Variants in STK10 observed in about 807,000 individuals in gnomAD.
STK10 encodes serine/threonine-protein kinase 10.
A neutral mutation model predicts 113.8 loss-of-function variants in STK10; 78 were observed. The observed-to-expected ratio is 0.69, with a 90% CI of 0.57 to 0.83. The LOEUF is 0.83. STK10 is among the 40% of genes least tolerant of loss of function. The pLI is 0.00. For missense variants in STK10, 1,109 were observed against 1,280.1 expected (o/e 0.87, Z 2.04); for synonymous variants, 465 against 494.7 (o/e 0.94, Z 0.80).
chr5:172,145,933 G>A (rs954174750), intron 2 of STK10, among the ~76,000 whole-genome samples: 36 of 152,166 alleles, frequency 2.4e-4, no homozygotes, highest in Admixed American at 2.3e-3. Flanking sequence ...CTGCACCAGC[G>A]CCTGCCCCGT....
chr5:172,096,221 C>T (rs139208909), intron 8 of STK10, among the ~76,000 whole-genome samples: 6 of 152,214 alleles, frequency 3.9e-5, no homozygotes, highest in Non-Finnish European at 7.3e-5. Context: ...CTCACAGGAT[C>T]GGGATCTGGC....
intron 2 of STK10, among the ~76,000 whole-genome samples, chr5:172,131,039 T>TTTTG (rs1554121251): frequency 6.8e-6 from 1 of 147,458 alleles, no homozygotes; most frequent in African/African-American, 2.5e-5. Context: ...GCTGTTTTTT[T>TTTTG]TTTTTTTTTT....
chr5:172,137,725 A>AT (rs1769893097), intron 2 of STK10, among the ~76,000 whole-genome samples: 1 of 64,952 alleles, frequency 1.5e-5, no homozygotes, highest in African/African-American at 1.0e-4. Context: ...CTAAAAATAC[A>AT]AAAAAAAAAA....
intron 12 of STK10, among the ~76,000 whole-genome samples, chr5:172,077,196 C>T (rs774307456): frequency 2.0e-5 from 3 of 152,210 alleles, no homozygotes; most frequent in Non-Finnish European, 2.9e-5. Flanking sequence ...TTACTGAACT[C>T]GTTCGAGTTC....
At chr5:172,144,462 C>A (rs1054704142) in intron 2 of STK10, among the ~76,000 whole-genome samples, 1 of 152,202 alleles carries the variant, frequency 6.6e-6, no homozygotes, top group African/African-American at 2.4e-5. Context: ...TGGAGGCAGA[C>A]ACCAAAAAAC....
intron 2 of STK10, among the ~76,000 whole-genome samples, chr5:172,155,235 C>T (rs1266812239): frequency 2.6e-5 from 4 of 152,126 alleles, no homozygotes; most frequent in African/African-American, 9.7e-5. Context: ...CAGTGCCTCA[C>T]GCCTGTAATC....
chr5:172,176,386 C>T (rs946680237), intron 1 of STK10, among the ~76,000 whole-genome samples: 2 of 152,172 alleles, frequency 1.3e-5, no homozygotes, highest in Admixed American at 6.5e-5. Context: ...TCTTCTCAGG[C>T]TGGTCACCTC....
chr5:172,176,327 C>T (rs1770757623), intron 1 of STK10, among the ~76,000 whole-genome samples: 1 of 152,200 alleles, frequency 6.6e-6, no homozygotes, highest in South Asian at 2.1e-4. Context: ...GCTCTCTTTC[C>T]ATCTCCTAAG....
chr5:172,114,672 A>C (rs1769334722), intron 4 of STK10: 1 of 150,754 alleles, frequency 6.6e-6, no homozygotes, highest in African/African-American at 2.4e-5. Flanking sequence ...TTTAGTAGAG[A>C]TGGGATTTCA....
intron 12 of STK10, among the ~76,000 whole-genome samples, chr5:172,074,784 C>T (rs575176672): frequency 9.9e-5 from 15 of 152,180 alleles, no homozygotes; most frequent in East Asian, 1.9e-4. Flanking sequence ...TTTCGGAAAC[C>T]GAAGCAGGCG....
chr5:172,136,444 A>T (rs1395087504), intron 2 of STK10, among the ~76,000 whole-genome samples: 1 of 152,082 alleles, frequency 6.6e-6, no homozygotes, highest in Admixed American at 6.5e-5. Flanking sequence ...AAAAATACAA[A>T]AACTTAGCCA....
In STK10 at chr5:172,061,039, A is replaced by T. The variant is rs1000137865; in HGVS notation, c.2212+100T>A. ...GAATGATGTTTAGTTTTGGGGATGG[A>T]GAAGGCCTGGGAGGTTCTTGTTGCC... is the stretch of plus-strand genomic sequence containing the variant. On this transcript the variant is annotated intron_variant, in intron 14 of 18. Transcript: ENST00000176763. 55 of 1,450,692 alleles carry T rather than the reference A, an allele frequency of 3.8e-5. No individual in the cohort carries two copies. In the African/African-American group the frequency reaches 7.6e-4, roughly 20 times the overall value. 89.9% of individuals were successfully genotyped at this position (1,450,692 alleles called of 1,614,324 possible).
rs1488778039 is a variant in STK10 at position 172,093,230 on chromosome 5, A to G, written c.1554+182T>C. Among the ~76,000 whole-genome samples the G allele has an allele frequency of 6.6e-6, 1 of 152,214 alleles. No individual in the cohort carries two copies. The highest frequency in any genetic ancestry group is 1.5e-5 in the Non-Finnish European group (1 of 68,042). ...TTTAAACCCAAACCAACTGCTTTAC[A>G]TTCCTAAATCCCATATTGAACCCAG... On this transcript the variant is annotated intron_variant, in intron 9 of 18. Coordinates refer to ENST00000176763, the MANE Select transcript of STK10 (RefSeq NM_005990.4). The surrounding 1 kb of genome is among the most constrained non-coding windows in gnomAD (Gnocchi z 4.1).
intron 2 of STK10, among the ~76,000 whole-genome samples, chr5:172,143,630 T>C (rs1223059640): frequency 6.6e-6 from 1 of 152,230 alleles, no homozygotes; most frequent in African/African-American, 2.4e-5. Flanking sequence ...TGTGGGGCTG[T>C]CCTGACCTCT....
At chr5:172,162,478 T>C (rs1335204506) in intron 1 of STK10, among the ~76,000 whole-genome samples, 1 of 152,114 alleles carries the variant, frequency 6.6e-6, no homozygotes, top group Non-Finnish European at 1.5e-5. Flanking sequence ...TCTTAACTGA[T>C]TGTGTCCCTG....
chr5:172,057,013 GAA>G lies in STK10; in HGVS notation c.2337+334_2337+335del, dbSNP rs759449804. 4.6e-3 allele frequency: 620 copies of G among 134,940 alleles called. 13 individuals carry two copies. The highest frequency in any genetic ancestry group is 0.014 in the African/African-American group (456 of 32,264). The allele number at this position is 134,940 out of a possible 1,614,324, so 8.4% of individuals were successfully genotyped here. A position where few individuals can be genotyped will look rare whatever the true frequency, so the allele number is the denominator to read the frequency against. On this transcript the variant is annotated intron_variant, in intron 15 of 18. Transcript: ENST00000176763. ...AAAGAAAGAGAAAGAAGGAAAGAAA[GAA>G]AGAAAGAAAGAAAGAAAGAAAGAAA...
rs144274802 is a variant in STK10, at chr5:172,106,533, T to C, written c.788+87A>G. The C allele has an allele frequency of 1.9e-3, 2,605 of 1,394,002 alleles. 43 individuals carry two copies. The African/African-American group carries it at 0.033, about 18-fold the overall frequency. 86.4% of individuals were successfully genotyped at this position (1,394,002 alleles called of 1,614,324 possible). On this transcript the variant is annotated intron_variant, in intron 6 of 18. Coordinates refer to ENST00000176763, the MANE Select transcript of STK10 (RefSeq NM_005990.4). ...AGCAGCACCAGGAGAACGCTACCAC[T>C]GCACCTCCCCAGCCCCGTCCACCAC...
At chr5:172,108,068 A>AG in intron 4 of STK10, 3 of 462,634 alleles carry the variant, frequency 6.5e-6, no homozygotes, top group Non-Finnish European at 1.2e-5. Flanking sequence ...CACTGGCAGC[A>AG]GCCTTCAGGA....
intron 7 of STK10, among the ~76,000 whole-genome samples, chr5:172,101,958 G>T (rs1341498394): frequency 6.8e-6 from 1 of 146,576 alleles, no homozygotes; most frequent in African/African-American, 2.6e-5. Flanking sequence ...GGCGATGGGG[G>T]TCAGCAGGGT....
Sources: gnomAD v4.1 joint callset for allele counts (sites outside exome capture counted in the v4.1 genomes callset) on GRCh38, gnomAD v4.1.1 for gene constraint, Gnocchi (gnomAD v3.1) non-coding constraint, MANE v1.5 for transcripts, NCBI Gene and HGNC (gene_info 2026-07-23, HGNC 2026-07-21) for gene names.